Variants in MTMR7 observed in about 807,000 individuals in gnomAD.
The protein encoded by MTMR7 is phosphatidylinositol-3-phosphate phosphatase MTMR7.
In MTMR7, 76 loss-of-function variants were observed where a neutral mutation model predicts 81.2. The observed-to-expected ratio is 0.94, with a 90% confidence interval of 0.78 to 1.13. The LOEUF is 1.13. Ranked by LOEUF, MTMR7 falls within the 50% of genes most tolerant of loss-of-function variation. MTMR7 has a pLI of 0.00. For missense variants in MTMR7, 1,044 were observed against 820.0 expected, an observed-to-expected ratio of 1.27 and a Z score of -3.34; for synonymous variants, 372 against 289.8, an observed-to-expected ratio of 1.28 and a Z score of -2.88.
chr8:17,344,810 G>A (rs1394441097), intron 5 of MTMR7, among the ~76,000 whole-genome samples: 2 of 152,136 alleles, frequency 1.3e-5, no homozygotes, highest in Non-Finnish European at 2.9e-5. Context: ...CACATAGGAA[G>A]TTTCAATAAG....
At chr8:17,355,479 GCC>G (rs2150552833) in intron 4 of MTMR7, among the ~76,000 whole-genome samples, 1 of 151,924 alleles carries the variant, frequency 6.6e-6, no homozygotes, top group Non-Finnish European at 1.5e-5. Flanking sequence ...AGATTATAAA[GCC>G]ATAATAATCA....
Position 17,297,926 on chromosome 8 carries a change from C to T in MTMR7, c.*1936G>A, listed in dbSNP as rs1440495990. ...AGTTGAGGGGACTAAAAGTTTATGA[C>T]TCTGATATGGAAGTTGTCATATTAA... On this transcript the variant is annotated 3_prime_UTR_variant, in exon 14 of 14. Transcript: ENST00000180173. The T allele has an allele frequency of 6.6e-6, 1 of 151,954 alleles. No homozygotes were observed. Among genetic ancestry groups the T allele is most frequent in the Admixed American group, 6.6e-5 (1 of 15,254 alleles). 9.4% of individuals were successfully genotyped at this position (151,954 alleles called of 1,614,324 possible).
intron 1 of MTMR7, among the ~76,000 whole-genome samples, chr8:17,403,961 CT>C (rs1416648016): frequency 6.6e-6 from 1 of 152,066 alleles, no homozygotes; most frequent in Non-Finnish European, 1.5e-5. Context: ...CAGTTCCAAT[CT>C]TTTTTTGGTG....
At chr8:17,331,911 T>G (rs1285008470) in intron 6 of MTMR7, among the ~76,000 whole-genome samples, 1 of 152,192 alleles carries the variant, frequency 6.6e-6, no homozygotes, top group Admixed American at 6.5e-5. Context: ...TTGATCACTT[T>G]CATTATTATA....
At position 17,361,118 on chromosome 8, in the gene MTMR7, C is replaced by A. The variant is rs779278498; in HGVS notation, c.467G>T (p.Arg156Ile). The A allele has an allele frequency of 3.7e-6, 6 of 1,614,130 alleles. No individual in the cohort carries two copies. Among genetic ancestry groups the A allele is most frequent in the Non-Finnish European group, 5.1e-6 (6 of 1,180,004 alleles). ...AGTGTTTGGGTTTCACGCACTCACT[C>A]TGTAGTCTCTATTCACATCGCTGAG... ...WQLSDVNRDY[R>I]VCDSYPTELY... The change falls in exon 4 of 14, where the codon AGA (arginine) becomes ATA (isoleucine). Residue 156 changes from arginine to isoleucine, a missense_variant and splice_region_variant. Physicochemically the swap from Arg to Ile is moderately conservative, Grantham distance 97. Transcript: ENST00000180173.
intron 1 of MTMR7, among the ~76,000 whole-genome samples, chr8:17,384,353 G>C (rs1328406319): frequency 6.6e-6 from 1 of 152,172 alleles, no homozygotes; most frequent in Non-Finnish European, 1.5e-5. Flanking sequence ...TGAGGTTATA[G>C]TCAGACATGA....
intron 1 of MTMR7, among the ~76,000 whole-genome samples, chr8:17,396,918 G>C (rs1468492338): frequency 6.6e-6 from 1 of 151,936 alleles, no homozygotes; most frequent in Non-Finnish European, 1.5e-5. Flanking sequence ...AGTTAGTTGT[G>C]AGGCCCCCAT....
In MTMR7 at chr8:17,309,296, C is replaced by T; in HGVS notation, c.1132G>A (p.Gly378Ser). 1 of 1,562,110 alleles carries T rather than the reference C, an allele frequency of 6.4e-7. No individual in the cohort carries two copies. Among genetic ancestry groups the T allele is most frequent in the Non-Finnish European group, 8.8e-7 (1 of 1,133,322 alleles). Residue 378 changes from glycine to serine, a missense_variant, in exon 10 of 14, where the codon GGT becomes AGT. Physicochemically the swap from Gly to Ser is moderately conservative, Grantham distance 56. Transcript: ENST00000180173. The part of the protein sequence containing the change: ...VLIEKDWISF[G>S]HKFNHRYGNL... The stretch of plus-strand genomic sequence containing the variant: ...ACTTACCGGTGATTAAACTTATGAC[C>T]AAAGGAAATCCAGTCCTTTTCAATT...
At chr8:17,398,152 C>G (rs4295702) in intron 1 of MTMR7, among the ~76,000 whole-genome samples, 67,706 of 151,860 alleles carry the variant, frequency 0.45, 15,735 homozygotes, top group Admixed American at 0.6. Flanking sequence ...CAACAAACAT[C>G]CACAAGCATC....
intron 1 of MTMR7, among the ~76,000 whole-genome samples, chr8:17,407,358 G>C (rs1030189019): frequency 2.0e-5 from 3 of 152,110 alleles, no homozygotes; most frequent in Non-Finnish European, 4.4e-5. Context: ...GAATGGTATA[G>C]TAAGAAACAT....
chr8:17,300,184 T>G lies in MTMR7; in HGVS notation c.1661A>C (p.Lys554Thr). The change falls in exon 14 of 14, where the codon AAG becomes ACG. Residue 554 changes from lysine (K) to threonine (T), a missense_variant. Lys to Thr is a moderately conservative substitution (Grantham distance 78, BLOSUM62 -1). Transcript: ENST00000180173. ...KIQKVQLNCTKVKSKQSEPSK... is the reference protein window; with the variant it reads ...KIQKVQLNCTTVKSKQSEPSK... ...GGGCTCACTTTGCTTACTCTTCACCTTAGTGCAATTTAACTGGACCTTTTG... is the reference window on the plus strand; with the variant it reads ...GGGCTCACTTTGCTTACTCTTCACCGTAGTGCAATTTAACTGGACCTTTTG... The G allele has an allele frequency of 1.9e-6, 3 of 1,613,426 alleles. No homozygotes were observed. Among genetic ancestry groups the G allele is most frequent in the Non-Finnish European group, 2.5e-6 (3 of 1,179,528 alleles).
intron 10 of MTMR7, among the ~76,000 whole-genome samples, chr8:17,306,436 T>C (rs1164026119): frequency 6.6e-6 from 1 of 152,060 alleles, no homozygotes; most frequent in Non-Finnish European, 1.5e-5. Context: ...ATATTCCCAT[T>C]CCTAAAGCGG....
chr8:17,397,762 G>C (rs1821306121), intron 1 of MTMR7, among the ~76,000 whole-genome samples: 1 of 152,122 alleles, frequency 6.6e-6, no homozygotes. Flanking sequence ...AGTGGATCCT[G>C]GGCAAGACCC....
At chr8:17,353,979 C>G (rs141097946) in intron 4 of MTMR7, among the ~76,000 whole-genome samples, 1 of 152,202 alleles carries the variant, frequency 6.6e-6, no homozygotes, top group African/African-American at 2.4e-5. Flanking sequence ...AGATTTCACA[C>G]TCCCAGGACA....
intron 10 of MTMR7, among the ~76,000 whole-genome samples, chr8:17,308,356 C>T (rs1817600661): frequency 6.6e-6 from 1 of 152,082 alleles, no homozygotes; most frequent in Admixed American, 6.6e-5. Flanking sequence ...AGAAGTTTAT[C>T]TAATTGGGGG....
intron 1 of MTMR7, among the ~76,000 whole-genome samples, chr8:17,404,833 T>A (rs1821531128): frequency 6.6e-6 from 1 of 152,152 alleles, no homozygotes; most frequent in African/African-American, 2.4e-5. Context: ...TTGTTTTTGT[T>A]TTGTTTTGTT....
At chr8:17,375,314 T>C (rs1308695043) in intron 1 of MTMR7, among the ~76,000 whole-genome samples, 4 of 152,006 alleles carry the variant, frequency 2.6e-5, no homozygotes. Context: ...TCTCACTTCC[T>C]CCCAGTTTTC....
chr8:17,405,717 T>C (rs1821558106), intron 1 of MTMR7, among the ~76,000 whole-genome samples: 2 of 151,984 alleles, frequency 1.3e-5, no homozygotes, highest in Admixed American at 6.6e-5. Flanking sequence ...AAATAATGTA[T>C]GGTCATCATC....
At chr8:17,401,884 G>C (rs1023448755) in intron 1 of MTMR7, among the ~76,000 whole-genome samples, 7 of 152,020 alleles carry the variant, frequency 4.6e-5, no homozygotes, top group African/African-American at 1.7e-4. Context: ...TAAGATCCAG[G>C]TACTATGAAT....
Sources: allele counts gnomAD v4.1 joint callset (sites outside exome capture counted in the v4.1 genomes callset), GRCh38; gene constraint gnomAD v4.1.1; transcripts MANE v1.5; gene names NCBI Gene and HGNC (gene_info 2026-07-23, HGNC 2026-07-21).